The following HEMK1 variants were observed in gnomAD, a reference collection of about 807,000 sequenced individuals.
HEMK1 encodes MTRF1L release factor glutamine methyltransferase.
HEMK1 carries 36 observed loss-of-function variants against 47.9 expected under a neutral mutation model. The observed-to-expected ratio is 0.75, with a 90% CI of 0.58 to 0.99. HEMK1 has a LOEUF of 0.99. Ranked by LOEUF, HEMK1 falls within the 50% of genes least tolerant of loss-of-function variation. HEMK1 has a pLI of 0.00. For missense variants in HEMK1, 383 were observed against 434.5 expected, an observed-to-expected ratio of 0.88 and a Z score of 1.05; for synonymous variants, 153 against 165.4, an observed-to-expected ratio of 0.93 and a Z score of 0.57.
Position 50,590,830 on chromosome 3 carries a change from C to T in HEMK1, c.*10413C>T, listed in dbSNP as rs977658802. The T allele has an allele frequency of 2.6e-5, 4 of 152,154 alleles. No homozygotes were observed. The highest frequency in any genetic ancestry group is 6.5e-5 in the Admixed American group (1 of 15,276). 9.4% of individuals were successfully genotyped at this position (152,154 alleles called of 1,614,324 possible). A position where few individuals can be genotyped will look rare whatever the true frequency, so the allele number is the denominator to read the frequency against. On this transcript the variant is annotated 3_prime_UTR_variant, in exon 11 of 11. Coordinates refer to ENST00000232854, the MANE Select transcript of HEMK1 (RefSeq NM_016173.5). ...GAGTAGACATGGGCTAGGGACTTACCCAGGCCCTTGGTGGTGCCTCCAAGG... is the reference window on the plus strand; with the variant it reads ...GAGTAGACATGGGCTAGGGACTTACTCAGGCCCTTGGTGGTGCCTCCAAGG...
chr3:50,573,314 A>G (rs1014463975), intron 4 of HEMK1, among the ~76,000 whole-genome samples: 1 of 152,226 alleles, frequency 6.6e-6, no homozygotes, highest in Non-Finnish European at 1.5e-5. Context: ...CCTAGGACAC[A>G]GTATGGAGAC....
Position 50,587,516 on chromosome 3 carries a change from G to T in HEMK1, c.*7099G>T, listed in dbSNP as rs188431052. The T allele has an allele frequency of 2.6e-5, 4 of 152,326 alleles. No homozygotes were observed. Among genetic ancestry groups the T allele is most frequent in the African/African-American group, 9.6e-5 (4 of 41,464 alleles). 9.4% of individuals were successfully genotyped at this position (152,326 alleles called of 1,614,324 possible). ...CTGGGGCTAAGAAACTTGCTCATAGGCTGGCTGAGCTGTGATTCTGGCATA... is the reference window on the plus strand; with the variant it reads ...CTGGGGCTAAGAAACTTGCTCATAGTCTGGCTGAGCTGTGATTCTGGCATA... On this transcript the variant is annotated 3_prime_UTR_variant, in exon 11 of 11. Coordinates refer to ENST00000232854, the MANE Select transcript of HEMK1 (RefSeq NM_016173.5). This position sits in a 1 kb window ranked among gnomAD's most constrained non-coding sequence, Gnocchi z 4.2.
chr3:50,571,837 C>T (rs184764647), intron 3 of HEMK1, 36 bp downstream of exon 3: 6 of 1,580,638 alleles, frequency 3.8e-6, no homozygotes, highest in Admixed American at 1.7e-5. Context: ...AGGATGTGTT[C>T]AGGGAGCAGC....
Position 50,570,980 on chromosome 3 carries a change from G to A in HEMK1, c.-125G>A. ...ACCAGAGCCATTTTGGGGCACCAGAGCTTGTGACCTCTCCATCTCCACCCA... is the reference window on the plus strand; with the variant it reads ...ACCAGAGCCATTTTGGGGCACCAGAACTTGTGACCTCTCCATCTCCACCCA... On this transcript the variant is annotated 5_prime_UTR_variant, in exon 2 of 11. Coordinates refer to ENST00000232854, the MANE Select transcript of HEMK1 (RefSeq NM_016173.5). 1 of 670,214 alleles carries A rather than the reference G, an allele frequency of 1.5e-6. No individual in the cohort carries two copies. Among genetic ancestry groups the A allele is most frequent in the South Asian group, 2.1e-5 (1 of 46,686 alleles). The allele number at this position is 670,214 out of a possible 1,614,324, so 41.5% of individuals were successfully genotyped here. A position where few individuals can be genotyped will look rare whatever the true frequency, so the allele number is the denominator to read the frequency against.
At chr3:50,572,646 C>A (rs956226783) in intron 4 of HEMK1, among the ~76,000 whole-genome samples, 7 of 152,206 alleles carry the variant, frequency 4.6e-5, no homozygotes, top group Non-Finnish European at 1.0e-4. Flanking sequence ...GGTCACTGCC[C>A]TCCTGCCATC....
chr3:50,571,435 A>T, intron 2 of HEMK1, 103 bp downstream of exon 2: 1 of 892,536 alleles, frequency 1.1e-6, no homozygotes, highest in East Asian at 2.6e-5. Flanking sequence ...GCTGAGACTG[A>T]TGGGATTTTT....
At chr3:50,577,970 C>G in intron 7 of HEMK1, 95 bp downstream of exon 7, 1 of 1,093,656 alleles carries the variant, frequency 9.1e-7, no homozygotes. Flanking sequence ...GAGAGCTCCC[C>G]CAACAGCCAC....
In HEMK1 at chr3:50,588,995, G is replaced by T. The variant is rs141077190; in HGVS notation, c.*8578G>T. The T allele has an allele frequency of 1.6e-4, 25 of 152,350 alleles. No individual in the cohort carries two copies. The highest frequency in any genetic ancestry group is 6.0e-4 in the African/African-American group (25 of 41,580). The allele number at this position is 152,350 out of a possible 1,614,324, so 9.4% of individuals were successfully genotyped here. On this transcript the variant is annotated 3_prime_UTR_variant, in exon 11 of 11. Transcript: ENST00000232854. ...CTCATTCTTTCAAAGTACATTTCAT[G>T]TGCAACTGAAATACATATTTTTAAA... is the stretch of plus-strand genomic sequence containing the variant.
chr3:50,571,651 A>G (rs1283949071), intron 2 of HEMK1, 59 bp from the exon 3 acceptor site: 3 of 1,483,674 alleles, frequency 2.0e-6, no homozygotes, highest in African/African-American at 2.8e-5. Flanking sequence ...CACATAAGAC[A>G]CCTGGGTTGG....
rs550134501 is a variant in HEMK1 at position 50,586,324 on chromosome 3, A to G, written c.*5907A>G. ...TGCAGGAAAATGGTCAGGAAAGGCT[A>G]ATTTTACAGCTCACAAAGTGGGAAA... is the stretch of plus-strand genomic sequence containing the variant. On this transcript the variant is annotated 3_prime_UTR_variant, in exon 11 of 11. Transcript: ENST00000232854. 7 of 152,388 alleles carry G rather than the reference A, an allele frequency of 4.6e-5. No individual in the cohort carries two copies. The highest frequency in any genetic ancestry group is 2.0e-4 in the Admixed American group (3 of 15,306). The allele number at this position is 152,388 out of a possible 1,614,324, so 9.4% of individuals were successfully genotyped here.
At position 50,585,369 on chromosome 3, in the gene HEMK1, C is replaced by T. The variant is rs540839411; in HGVS notation, c.*4952C>T. 1 of 152,408 alleles carries T rather than the reference C, an allele frequency of 6.6e-6. No individual in the cohort carries two copies. Among genetic ancestry groups the T allele is most frequent in the African/African-American group, 2.4e-5 (1 of 41,578 alleles). 9.4% of individuals were successfully genotyped at this position (152,408 alleles called of 1,614,324 possible). A position where few individuals can be genotyped will look rare whatever the true frequency, so the allele number is the denominator to read the frequency against. ...TGGCCCCTCCATGTAAGCCATAGGC[C>T]TGAGCAGAGCTGTGTCACCATTCTG... On this transcript the variant is annotated 3_prime_UTR_variant, in exon 11 of 11. Transcript: ENST00000232854.
At chr3:50,571,881 G>A in intron 3 of HEMK1, 80 bp downstream of exon 3, 2 of 1,463,184 alleles carry the variant, frequency 1.4e-6, no homozygotes, top group South Asian at 2.3e-5. Flanking sequence ...CAAGTTCAGG[G>A]AGGAGGAGAA....
Position 50,579,938 on chromosome 3 carries a change from G to A in HEMK1, c.865G>A (p.Gly289Ser). 7 of 1,611,592 alleles carry A rather than the reference G, an allele frequency of 4.3e-6. No homozygotes were observed. The highest frequency in any genetic ancestry group is 5.9e-6 in the Non-Finnish European group (7 of 1,177,880). Residue 289 changes from glycine (G) to serine (S), a missense_variant and splice_region_variant, in exon 9 of 11, where the codon GGT becomes AGT. Coordinates refer to ENST00000232854, the MANE Select transcript of HEMK1 (RefSeq NM_016173.5). Reference protein sequence around the residue: ...ALAPRLLKDSGSIFLEVDPRH... With the variant: ...ALAPRLLKDSSSIFLEVDPRH... ...GGCACCCCGGCTCCTGAAAGACTCT[G>A]GGTATGAATGGGATGGGTCTCCTAG... is the stretch of plus-strand genomic sequence containing the variant.
In HEMK1 at chr3:50,580,211, G is replaced by T. The variant is rs757936871; in HGVS notation, c.962G>T (p.Arg321Leu). Reference protein sequence around the residue: ...PDLYLNLVAVRRDFCGRPRFL... With the variant: ...PDLYLNLVAVLRDFCGRPRFL... ...CTGTACCTTAATCTTGTGGCTGTGC[G>T]CAGGGACTTCTGTGGGAGGTAAGAT... Residue 321 changes from arginine (R) to leucine (L), a missense_variant, in exon 10 of 11, where the codon CGC (arginine) becomes CTC (leucine). Coordinates refer to ENST00000232854, the MANE Select transcript of HEMK1 (RefSeq NM_016173.5). 13 of 1,613,912 alleles carry T rather than the reference G, an allele frequency of 8.1e-6. No homozygotes were observed. The East Asian group carries it at 2.2e-4, about 28-fold the overall frequency.
chr3:50,580,603 G>C lies in HEMK1; in HGVS notation c.*186G>C. 1.6e-6 allele frequency: 1 copy of C among 626,710 alleles called. No homozygotes were observed. Among genetic ancestry groups the C allele is most frequent in the East Asian group, 2.7e-5 (1 of 36,396 alleles). 38.8% of individuals were successfully genotyped at this position (626,710 alleles called of 1,614,324 possible). ...CATCACATCAGAGTGGCTGAGGGCA[G>C]TTGCTCTGTGTTGGTGAAATTGCTG... On this transcript the variant is annotated 3_prime_UTR_variant, in exon 11 of 11. Coordinates refer to ENST00000232854, the MANE Select transcript of HEMK1 (RefSeq NM_016173.5).
chr3:50,574,985 G>A (rs1378144987), intron 4 of HEMK1, among the ~76,000 whole-genome samples: 2 of 152,150 alleles, frequency 1.3e-5, no homozygotes, highest in Admixed American at 6.5e-5. Context: ...ACCCAGCACT[G>A]GGGAACTTAT....
chr3:50,570,882 G>A (rs2107367054), intron 1 of HEMK1, 49 bp from the exon 2 acceptor site: 1 of 449,660 alleles, frequency 2.2e-6, no homozygotes, highest in East Asian at 3.6e-5. Context: ...GGTAGAAGGG[G>A]GGGTGTCATA....
chr3:50,571,199 A>T lies in HEMK1; in HGVS notation c.95A>T (p.Gln32Leu). 1 of 1,613,892 alleles carries T rather than the reference A, an allele frequency of 6.2e-7. No homozygotes were observed. The highest frequency in any genetic ancestry group is 8.5e-7 in the Non-Finnish European group (1 of 1,179,926). The stretch of plus-strand genomic sequence containing the variant: ...TGGGCCTTCAGCTCATGGCAACCCC[A>T]ACCACCTCTGGCTGGGTTATCCAGT... ...RGWAFSSWQP[Q>L]PPLAGLSSAI... is the part of the protein sequence containing the mutation. Residue 32 changes from glutamine (Q) to leucine (L), a missense_variant, in exon 2 of 11, where the codon CAA (glutamine) becomes CTA (leucine). Physicochemically the swap from Gln to Leu is moderately radical, Grantham distance 113 (BLOSUM62 -2). Transcript: ENST00000232854.
chr3:50,580,805 G>A lies in HEMK1; in HGVS notation c.*388G>A. The A allele has an allele frequency of 3.3e-6, 1 of 305,436 alleles. No individual in the cohort carries two copies. The highest frequency in any genetic ancestry group is 6.2e-6 in the Non-Finnish European group (1 of 160,064). 18.9% of individuals were successfully genotyped at this position (305,436 alleles called of 1,614,324 possible). On this transcript the variant is annotated 3_prime_UTR_variant, in exon 11 of 11. Transcript: ENST00000232854. Reference sequence around the variant, plus strand: ...CAGTCCCCTGCTTGGTAGTGGTGTGGGGGTGCAGTGTGGAGGAAGGCACGT... The same window carrying A: ...CAGTCCCCTGCTTGGTAGTGGTGTGAGGGTGCAGTGTGGAGGAAGGCACGT...
Sources: gnomAD v4.1 joint callset for allele counts (sites outside exome capture counted in the v4.1 genomes callset) on GRCh38, gnomAD v4.1.1 for gene constraint, Gnocchi (gnomAD v3.1) non-coding constraint, MANE v1.5 for transcripts, NCBI Gene and HGNC (gene_info 2026-07-23, HGNC 2026-07-21) for gene names.